Variants in PRTFDC1 observed in about 807,000 individuals in gnomAD.
PRTFDC1 encodes phosphoribosyltransferase domain-containing protein 1.
A neutral mutation model predicts 34.6 loss-of-function variants in PRTFDC1; 38 were observed. That is an observed-to-expected ratio of 1.10 (90% CI 0.85 to 1.44). The LOEUF (loss-of-function observed/expected upper bound fraction) is 1.44. Ranked by LOEUF, PRTFDC1 falls within the 40% of genes most tolerant of loss-of-function variation. PRTFDC1 has a pLI of 0.00. For synonymous variants in PRTFDC1, 93 were observed against 98.1 expected (o/e 0.95, Z 0.31); for missense variants, 270 against 283.0 (o/e 0.95, Z 0.33).
In PRTFDC1 at chr10:24,923,296, G is replaced by T. The variant is rs150695921; in HGVS notation, c.339+13888C>A. ...GTCTGATAGCTCTGAAGAGAGCAGTGGTTCTCCCAGCACAGCATTCGAGCT... is the reference window on the plus strand; with the variant it reads ...GTCTGATAGCTCTGAAGAGAGCAGTTGTTCTCCCAGCACAGCATTCGAGCT... On this transcript the variant is annotated intron_variant, in intron 3 of 8. Transcript: ENST00000320152. Among the ~76,000 whole-genome samples the T allele has an allele frequency of 3.6e-3, 545 of 152,282 alleles. 4 individuals carry two copies. The highest frequency in any genetic ancestry group is 0.013 in the African/African-American group (526 of 41,554).
At chr10:24,870,713 T>C (rs1170089972) in intron 4 of PRTFDC1, among the ~76,000 whole-genome samples, 1 of 152,152 alleles carries the variant, frequency 6.6e-6, no homozygotes, top group African/African-American at 2.4e-5. Context: ...TTAATTCTGA[T>C]TTTTATGGAA....
chr10:24,922,927 G>A (rs191584472), intron 3 of PRTFDC1, among the ~76,000 whole-genome samples: 30 of 152,318 alleles, frequency 2.0e-4, no homozygotes, highest in Non-Finnish European at 2.9e-4. Flanking sequence ...TGGAGGAACC[G>A]TACACTTCTG....
chr10:24,909,349 G>A (rs758883825), intron 3 of PRTFDC1, among the ~76,000 whole-genome samples: 3 of 152,182 alleles, frequency 2.0e-5, no homozygotes, highest in Non-Finnish European at 4.4e-5. Context: ...TACATATGTG[G>A]CTATAAGCTA....
intron 3 of PRTFDC1, among the ~76,000 whole-genome samples, chr10:24,918,325 T>TATATC (rs145794012): frequency 0.12 from 17,567 of 152,034 alleles, 1,263 homozygotes; most frequent in East Asian, 0.28. Context: ...CACTTTTAAC[T>TATATC]ATATCATATC....
At chr10:24,880,098 A>G (rs116108567) in intron 3 of PRTFDC1, among the ~76,000 whole-genome samples, 1 of 152,340 alleles carries the variant, frequency 6.6e-6, no homozygotes, top group African/African-American at 2.4e-5. Context: ...TAAAAAGAGT[A>G]CATTCAGGGT....
At chr10:24,874,776 A>G (rs1029357803) in intron 3 of PRTFDC1, among the ~76,000 whole-genome samples, 10 of 152,188 alleles carry the variant, frequency 6.6e-5, no homozygotes, top group Admixed American at 5.9e-4. Flanking sequence ...TATATTTGAT[A>G]TGGTTAGGCT....
intron 3 of PRTFDC1, among the ~76,000 whole-genome samples, chr10:24,872,806 ATTTTTT>A (rs66588467): frequency 1.7e-5 from 2 of 117,604 alleles, no homozygotes; most frequent in African/African-American, 3.6e-5. Context: ...ATATATATAT[ATTTTTT>A]TTTTTTTTTT....
chr10:24,887,262 G>A (rs939363766), intron 3 of PRTFDC1, among the ~76,000 whole-genome samples: 34 of 152,148 alleles, frequency 2.2e-4, no homozygotes, highest in Non-Finnish European at 3.2e-4. Flanking sequence ...GAGCCACCGC[G>A]CCCGGCCGTT....
intron 1 of PRTFDC1, among the ~76,000 whole-genome samples, chr10:24,945,603 A>G (rs1849239898): frequency 6.6e-6 from 1 of 152,172 alleles, no homozygotes. Flanking sequence ...TAAGGAGTGG[A>G]CAACCACGCT....
In PRTFDC1 at chr10:24,884,589, T is replaced by G. The variant is rs138785097; in HGVS notation, c.340-12526A>C. Among the ~76,000 whole-genome samples the G allele has an allele frequency of 3.1e-3, 471 of 152,336 alleles. 9 individuals carry two copies. The highest frequency in any genetic ancestry group is 0.022 in the South Asian group (105 of 4,830). On this transcript the variant is annotated intron_variant, in intron 3 of 8. Coordinates refer to ENST00000320152, the MANE Select transcript of PRTFDC1 (RefSeq NM_020200.7). The stretch of plus-strand genomic sequence containing the variant: ...AAAACACTAAGACATTTATTGTTGC[T>G]GTTTTTCTTTTTGGTCTTATGAAGA...
At chr10:24,866,619 C>A (rs1847782899) in intron 4 of PRTFDC1, among the ~76,000 whole-genome samples, 1 of 152,032 alleles carries the variant, frequency 6.6e-6, no homozygotes, top group Admixed American at 6.5e-5. Flanking sequence ...CCAGAGAGTA[C>A]ATTGTGTAGA....
chr10:24,872,687 G>GTATA (rs35268293), intron 3 of PRTFDC1, among the ~76,000 whole-genome samples: 12 of 143,842 alleles, frequency 8.3e-5, no homozygotes, highest in African/African-American at 2.6e-4. Context: ...GTGTGTGTGT[G>GTATA]TATATATATA....
chr10:24,945,557 C>T (rs150321683), intron 1 of PRTFDC1, among the ~76,000 whole-genome samples: 174 of 152,294 alleles, frequency 1.1e-3, no homozygotes, highest in Non-Finnish European at 2.0e-3. Flanking sequence ...TAGGCTCAAG[C>T]GATCCTCCCA....
intron 3 of PRTFDC1, among the ~76,000 whole-genome samples, chr10:24,906,293 T>C (rs1848534085): frequency 6.6e-6 from 1 of 152,200 alleles, no homozygotes; most frequent in Non-Finnish European, 1.5e-5. Context: ...TCTGCCTCTG[T>C]CTCCATGCTT....
chr10:24,927,110 C>CTATGAATTCATAGAATTCATAGAAT (rs1417770607), intron 3 of PRTFDC1, among the ~76,000 whole-genome samples: 3 of 152,172 alleles, frequency 2.0e-5, no homozygotes, highest in African/African-American at 7.2e-5. Flanking sequence ...ATAGAATTAA[C>CTATGAATTCATAGAATTCATAGAAT]TATCTCAGAG....
chr10:24,911,127 A>G (rs1848620637), intron 3 of PRTFDC1, among the ~76,000 whole-genome samples: 1 of 152,228 alleles, frequency 6.6e-6, no homozygotes, highest in Non-Finnish European at 1.5e-5. Flanking sequence ...ATTTTTGAGA[A>G]TATAATTCAA....
chr10:24,901,721 C>A (rs1237460586), intron 3 of PRTFDC1, among the ~76,000 whole-genome samples: 1 of 152,122 alleles, frequency 6.6e-6, no homozygotes, highest in Non-Finnish European at 1.5e-5. Context: ...AAAGAAAGAC[C>A]CAGTCTCAAA....
At chr10:24,951,947 C>T (rs7083691) in intron 1 of PRTFDC1, among the ~76,000 whole-genome samples, 7,353 of 152,252 alleles carry the variant, frequency 0.048, 360 homozygotes, top group African/African-American at 0.12. Flanking sequence ...ACAGACAAGC[C>T]ATAGGTCACT....
At chr10:24,948,135 C>T (rs1327354772) in intron 1 of PRTFDC1, among the ~76,000 whole-genome samples, 4 of 127,640 alleles carry the variant, frequency 3.1e-5, no homozygotes, top group East Asian at 2.6e-4. Context: ...CTGATACTGC[C>T]GTATTTTCAT....
Sources: allele counts gnomAD v4.1 joint callset (sites outside exome capture counted in the v4.1 genomes callset), GRCh38; gene constraint gnomAD v4.1.1; transcripts MANE v1.5; gene names NCBI Gene and HGNC (gene_info 2026-07-23, HGNC 2026-07-21).